Variants in CDH19 observed in about 807,000 individuals in gnomAD.
CDH19 encodes cadherin 19.
Under a neutral mutation model 64.2 loss-of-function variants are expected in CDH19, and 67 were observed. The observed-to-expected ratio is 1.04, with a 90% confidence interval of 0.86 to 1.28. The LOEUF (loss-of-function observed/expected upper bound fraction) is 1.28, where lower values mean the gene tolerates loss of function less well. CDH19 is among the 50% of genes most tolerant of loss of function. CDH19 has a pLI of 0.00. For missense variants in CDH19, 1,030 were observed against 929.0 expected (o/e 1.11, Z -1.41); for synonymous variants, 346 against 319.3 (o/e 1.08, Z -0.89).
intron 3 of CDH19, among the ~76,000 whole-genome samples, chr18:66,557,770 G>A (rs949721672): frequency 6.6e-6 from 1 of 151,652 alleles, no homozygotes; most frequent in African/African-American, 2.4e-5. Flanking sequence ...TATGTATACA[G>A]GTAGATCTAA....
intron 1 of CDH19, among the ~76,000 whole-genome samples, chr18:66,578,503 G>A (rs1390320373): frequency 4.0e-5 from 6 of 151,760 alleles, no homozygotes; most frequent in African/African-American, 1.2e-4. Flanking sequence ...TAGAGCAACT[G>A]TACCTCTCAT....
At chr18:66,533,467 A>G (rs1012398403) in intron 8 of CDH19, among the ~76,000 whole-genome samples, 1 of 152,090 alleles carries the variant, frequency 6.6e-6, no homozygotes, top group African/African-American at 2.4e-5. Flanking sequence ...ATTAAATTGT[A>G]TAATGTAATT....
chr18:66,591,078 T>C (rs1988730176), intron 1 of CDH19, among the ~76,000 whole-genome samples: 1 of 151,962 alleles, frequency 6.6e-6, no homozygotes, highest in Non-Finnish European at 1.5e-5. Flanking sequence ...CATGATACCA[T>C]AGTTTCATGA....
chr18:66,512,951 C>A (rs143794991), intron 9 of CDH19, among the ~76,000 whole-genome samples: 1 of 151,606 alleles, frequency 6.6e-6, no homozygotes, highest in African/African-American at 2.4e-5. Flanking sequence ...TGTCACACGA[C>A]AAACTATTAT....
chr18:66,579,746 T>TA (rs982586575), intron 1 of CDH19, among the ~76,000 whole-genome samples: 38 of 152,160 alleles, frequency 2.5e-4, no homozygotes, highest in Admixed American at 8.5e-4. Flanking sequence ...TATGGATTTA[T>TA]AAAAAATTTA....
chr18:66,545,387 CCTTT>C (rs1031476171), intron 5 of CDH19, among the ~76,000 whole-genome samples: 6 of 148,150 alleles, frequency 4.0e-5, no homozygotes, highest in African/African-American at 1.0e-4. Context: ...TTCTCTTTTT[CCTTT>C]CTTTCTTTCC....
At chr18:66,541,180 T>C (rs1227617488) in intron 7 of CDH19, among the ~76,000 whole-genome samples, 1 of 152,066 alleles carries the variant, frequency 6.6e-6, no homozygotes, top group Non-Finnish European at 1.5e-5. Context: ...GTGATGAAAC[T>C]GAGTTTGGGA....
chr18:66,508,837 C>T (rs1160295046), intron 11 of CDH19, among the ~76,000 whole-genome samples, 158 bp downstream of exon 11: 1 of 151,828 alleles, frequency 6.6e-6, no homozygotes, highest in Admixed American at 6.6e-5. Flanking sequence ...TTCAGAGGAG[C>T]AATAAACGTA....
In CDH19 at chr18:66,529,161, A is replaced by C. The variant is rs140255472; in HGVS notation, c.1458+684T>G. On this transcript the variant is annotated intron_variant, in intron 9 of 11. Coordinates refer to ENST00000262150, the MANE Select transcript of CDH19 (RefSeq NM_021153.4). ...AGTAATGATAATGTATTTCAAAATG[A>C]GTATGTTCTCATAAGTGTTTACATA... Among the ~76,000 whole-genome samples the C allele has an allele frequency of 1.8e-3, 267 of 152,086 alleles. 4 individuals carry two copies. The highest frequency in any genetic ancestry group is 6.2e-3 in the African/African-American group (257 of 41,550).
At chr18:66,547,802 G>T (rs1412947546) in intron 5 of CDH19, among the ~76,000 whole-genome samples, 2 of 143,330 alleles carry the variant, frequency 1.4e-5, no homozygotes, top group Non-Finnish European at 3.0e-5. Flanking sequence ...CAAGTAGCTG[G>T]GACTACAGGC....
intron 1 of CDH19, among the ~76,000 whole-genome samples, chr18:66,590,161 A>G (rs1401392108): frequency 1.3e-5 from 2 of 151,938 alleles, no homozygotes; most frequent in Non-Finnish European, 2.9e-5. Flanking sequence ...CTCCACAGCT[A>G]CTGATTCATG....
intron 11 of CDH19, among the ~76,000 whole-genome samples, chr18:66,507,561 C>A (rs992393531): frequency 6.6e-6 from 1 of 151,504 alleles, no homozygotes; most frequent in Admixed American, 6.6e-5. Context: ...CTGATTAAGA[C>A]CTTTTGGTGT....
intron 7 of CDH19, among the ~76,000 whole-genome samples, chr18:66,535,617 A>C (rs8090588): frequency 6.9e-6 from 1 of 145,508 alleles, no homozygotes; most frequent in African/African-American, 2.5e-5. Context: ...CAAAATATTT[A>C]TATATATATA....
intron 1 of CDH19, among the ~76,000 whole-genome samples, chr18:66,595,553 C>T (rs1988865098): frequency 7.2e-6 from 1 of 138,504 alleles, no homozygotes; most frequent in Non-Finnish European, 1.5e-5. Flanking sequence ...ACTCTATGCA[C>T]ACATAGTAGA....
At chr18:66,578,976 TG>T (rs1182818499) in intron 1 of CDH19, among the ~76,000 whole-genome samples, 1 of 151,208 alleles carries the variant, frequency 6.6e-6, no homozygotes, top group South Asian at 2.1e-4. Context: ...TGTGGGAAAA[TG>T]GGGGTGGGAG....
chr18:66,534,627 T>A (rs907870847), intron 8 of CDH19, among the ~76,000 whole-genome samples: 11 of 151,984 alleles, frequency 7.2e-5, no homozygotes, highest in African/African-American at 2.4e-4. Context: ...AATGGATTCA[T>A]GATTTTAAGG....
rs1008572789 is a variant in CDH19 at position 66,544,583 on chromosome 18, T to A, written c.960+136A>T. ...TGTAATAACTCTCTCATCTCTAAAA[T>A]CCTTGTCTCCATAAAACATAAATTA... On this transcript the variant is annotated intron_variant, in intron 6 of 11. Transcript: ENST00000262150. 5.0e-6 allele frequency: 3 copies of A among 596,724 alleles called. No homozygotes were observed. In the African/African-American group the frequency reaches 5.6e-5, roughly 11 times the overall value. The allele number at this position is 596,724 out of a possible 1,614,324, so 37.0% of individuals were successfully genotyped here.
intron 3 of CDH19, among the ~76,000 whole-genome samples, chr18:66,562,285 C>T (rs796197071): frequency 1.3e-5 from 2 of 151,642 alleles, no homozygotes; most frequent in African/African-American, 4.8e-5. Context: ...TGGTTTCCTG[C>T]AACTAGATAG....
intron 1 of CDH19, among the ~76,000 whole-genome samples, chr18:66,593,316 A>G (rs1988795045): frequency 1.3e-5 from 2 of 152,022 alleles, no homozygotes. Flanking sequence ...TCAATCTCAC[A>G]TCTGTGACTC....
Sources: gnomAD v4.1 joint callset for allele counts (sites outside exome capture counted in the v4.1 genomes callset) on GRCh38, gnomAD v4.1.1 for gene constraint, MANE v1.5 for transcripts, NCBI Gene and HGNC (gene_info 2026-07-23, HGNC 2026-07-21) for gene names.